The following AAGAB variants were observed in gnomAD, a reference collection of about 807,000 sequenced individuals.
The protein encoded by AAGAB is alpha and gamma adaptin binding protein, also known as alpha- and gamma-adaptin-binding protein p34.
Under a neutral mutation model 44.1 loss-of-function variants are expected in AAGAB, and 38 were observed. That is an observed-to-expected ratio of 0.86 (90% CI 0.67 to 1.13). AAGAB has a LOEUF of 1.13. AAGAB is among the 50% of genes most tolerant of loss of function. The pLI, the probability that AAGAB is intolerant of heterozygous loss-of-function variation, is 0.00. For missense variants in AAGAB, 450 were observed against 373.8 expected (o/e 1.20, Z -1.68); for synonymous variants, 131 against 131.8 (o/e 0.99, Z 0.04).
At chr15:67,216,679 G>A (rs1963958659) in intron 5 of AAGAB, among the ~76,000 whole-genome samples, 1 of 150,108 alleles carries the variant, frequency 6.7e-6, no homozygotes, top group Non-Finnish European at 1.5e-5. Context: ...CCTATCTCCA[G>A]AACCTTAAGC....
In AAGAB at chr15:67,201,981, G is replaced by A. The variant is rs1317509123; in HGVS notation, c.*840C>T. The A allele has an allele frequency of 1.3e-5, 2 of 152,288 alleles. No homozygotes were observed. The highest frequency in any genetic ancestry group is 2.9e-5 in the Non-Finnish European group (2 of 68,050). The allele number at this position is 152,288 out of a possible 1,614,324, so 9.4% of individuals were successfully genotyped here. A position where few individuals can be genotyped will look rare whatever the true frequency, so the allele number is the denominator to read the frequency against. ...GGGGGAAATGTGCCTTGTTTTGCAG[G>A]TGTGCAACAACACAGCTCTGGCATC... On this transcript the variant is annotated 3_prime_UTR_variant, in exon 10 of 10. Coordinates refer to ENST00000261880, the MANE Select transcript of AAGAB (RefSeq NM_024666.5).
At chr15:67,236,145 A>G in intron 3 of AAGAB, 77 bp from the exon 4 acceptor site, 1 of 1,164,450 alleles carries the variant, frequency 8.6e-7, no homozygotes, top group Non-Finnish European at 1.3e-6. Flanking sequence ...TTCTTCACAA[A>G]TCTCAATGTG....
chr15:67,239,429 T>C (rs1964545301), intron 1 of AAGAB, among the ~76,000 whole-genome samples: 1 of 152,246 alleles, frequency 6.6e-6, no homozygotes, highest in Non-Finnish European at 1.5e-5. Context: ...TTACTTAACA[T>C]GGAGAAAGAA....
intron 1 of AAGAB, among the ~76,000 whole-genome samples, chr15:67,243,766 A>C (rs887534725): frequency 2.0e-5 from 3 of 152,208 alleles, no homozygotes; most frequent in African/African-American, 7.2e-5. Context: ...GAAGAGCTGA[A>C]ACTAGTCATT....
At chr15:67,234,955 T>G (rs1355775841) in intron 4 of AAGAB, among the ~76,000 whole-genome samples, 1 of 152,196 alleles carries the variant, frequency 6.6e-6, no homozygotes, top group Non-Finnish European at 1.5e-5. Flanking sequence ...TTTGGAAAAA[T>G]TATAAATAAA....
intron 1 of AAGAB, among the ~76,000 whole-genome samples, chr15:67,247,392 T>A (rs893173477): frequency 1.3e-5 from 2 of 152,208 alleles, no homozygotes; most frequent in African/African-American, 4.8e-5. Flanking sequence ...GAAAAGGCAG[T>A]AAGTTGTTTA....
intron 5 of AAGAB, 97 bp downstream of exon 5, chr15:67,231,717 G>C: frequency 1.0e-6 from 1 of 983,572 alleles, no homozygotes; most frequent in Non-Finnish European, 1.6e-6. Flanking sequence ...CAAATCTACA[G>C]ATTTCATATA....
chr15:67,208,292 C>T (rs530242373), intron 7 of AAGAB, among the ~76,000 whole-genome samples: 1 of 152,320 alleles, frequency 6.6e-6, no homozygotes, highest in East Asian at 1.9e-4. Context: ...GCTGTTTCGC[C>T]ACCTGGTTCG....
At chr15:67,238,157 T>C (rs1232887503) in intron 1 of AAGAB, among the ~76,000 whole-genome samples, 2 of 152,220 alleles carry the variant, frequency 1.3e-5, no homozygotes, top group African/African-American at 4.8e-5. Flanking sequence ...ATTTTTGATA[T>C]AAAGCATATC....
upstream of AAGAB, chr15:67,254,860 C>T (rs1313877991): frequency 5.0e-6 from 8 of 1,603,776 alleles, no homozygotes; most frequent in Non-Finnish European, 6.8e-6. Flanking sequence ...GCTTGGAAAC[C>T]GCGCCTCCGC....
intron 1 of AAGAB, among the ~76,000 whole-genome samples, chr15:67,238,002 T>C (rs976093842): frequency 3.3e-5 from 5 of 152,160 alleles, no homozygotes; most frequent in Admixed American, 3.3e-4. Context: ...ATGTATAAAG[T>C]GTGTGTGTAT....
At position 67,254,622 on chromosome 15, in the gene AAGAB, C is replaced by T. The variant is rs1003448430; in HGVS notation, c.10G>A (p.Gly4Ser). The change falls in exon 1 of 10, where the codon GGC becomes AGC. Residue 4 changes from glycine to serine, a missense_variant. Transcript: ENST00000261880. MAA[G>S]VPCALVTSCS... ...CTGGTGACTAACGCACAGGGTACGCCAGCAGCCATAGCTGCGCTCGCGAGC... is the reference window on the plus strand; with the variant it reads ...CTGGTGACTAACGCACAGGGTACGCTAGCAGCCATAGCTGCGCTCGCGAGC... The T allele has an allele frequency of 1.2e-6, 2 of 1,603,076 alleles. No individual in the cohort carries two copies. Among genetic ancestry groups the T allele is most frequent in the Non-Finnish European group, 1.7e-6 (2 of 1,176,972 alleles).
At chr15:67,231,311 A>G (rs1182059436) in intron 5 of AAGAB, among the ~76,000 whole-genome samples, 1 of 152,112 alleles carries the variant, frequency 6.6e-6, no homozygotes, top group Non-Finnish European at 1.5e-5. Flanking sequence ...CTCCCCTTTC[A>G]TTAGTCCAAA....
chr15:67,249,185 C>T (rs927058058), intron 1 of AAGAB, among the ~76,000 whole-genome samples: 7 of 152,030 alleles, frequency 4.6e-5, no homozygotes, highest in African/African-American at 1.7e-4. Context: ...CAGGTGTGCA[C>T]CACCACACCC....
chr15:67,234,136 C>G (rs1964409494), intron 4 of AAGAB, among the ~76,000 whole-genome samples: 1 of 151,616 alleles, frequency 6.6e-6, no homozygotes, highest in Non-Finnish European at 1.5e-5. Context: ...GCCTGCAGTC[C>G]CAGCTACTTG....
intron 4 of AAGAB, chr15:67,232,547 A>C (rs1355662311): frequency 2.6e-6 from 1 of 390,588 alleles, no homozygotes. Flanking sequence ...GGAAGGCAAC[A>C]CTACCTAAGA....
chr15:67,249,312 G>A (rs1024646929), intron 1 of AAGAB, among the ~76,000 whole-genome samples: 6 of 152,142 alleles, frequency 3.9e-5, no homozygotes, highest in African/African-American at 1.4e-4. Context: ...TGGGATTACA[G>A]GCGTGAGCCA....
chr15:67,235,998 C>T lies in AAGAB; in HGVS notation c.432G>A (p.Glu144=). The change falls in exon 4 of 10, where the codon GAG becomes GAA. Residue 144 remains glutamate (E), a synonymous_variant. Transcript: ENST00000261880. ...ACTTACCATCCTCCTCAGGCAACTC[C>T]TCTGGACTAAGTTCTACCAATTCAA... The part of the protein sequence containing the change: ...HGFELVELSP[E]ELPEEDDDFP... The T allele has an allele frequency of 6.2e-7, 1 of 1,612,862 alleles. No homozygotes were observed. The highest frequency in any genetic ancestry group is 1.1e-5 in the South Asian group (1 of 90,938).
At chr15:67,238,605 T>C (rs1964523546) in intron 1 of AAGAB, among the ~76,000 whole-genome samples, 2 of 151,230 alleles carry the variant, frequency 1.3e-5, no homozygotes, top group Non-Finnish European at 2.9e-5. Flanking sequence ...AATACACATA[T>C]AAAAGAAAGA....
Sources: allele counts gnomAD v4.1 joint callset (sites outside exome capture counted in the v4.1 genomes callset), GRCh38; gene constraint gnomAD v4.1.1; transcripts MANE v1.5; gene names NCBI Gene and HGNC (gene_info 2026-07-23, HGNC 2026-07-21).